Variants in RBFOX3 observed in about 807,000 individuals in gnomAD.
The protein encoded by RBFOX3 is RNA binding fox-1 homolog 3, also known as RNA binding protein fox-1 homolog 3.
RBFOX3 carries 17 observed loss-of-function variants against 48.7 expected under a neutral mutation model. The observed-to-expected ratio is 0.35, with a 90% CI of 0.24 to 0.52. The LOEUF is 0.52. Among genes scored for constraint, RBFOX3 ranks in the 20% least tolerant of loss-of-function variants. RBFOX3 has a pLI of 0.94. For synonymous variants in RBFOX3, 212 were observed against 209.5 expected (o/e 1.01, Z -0.10); for missense variants, 382 against 497.5 (o/e 0.77, Z 2.21).
At chr17:79,503,761 G>A (rs2082687704) in intron 1 of RBFOX3, among the ~76,000 whole-genome samples, 1 of 152,176 alleles carries the variant, frequency 6.6e-6, no homozygotes, top group Admixed American at 6.5e-5. Flanking sequence ...CCCAGGAGCT[G>A]ATTGTCTTCT....
intron 1 of RBFOX3, among the ~76,000 whole-genome samples, chr17:79,483,160 G>T (rs908607455): frequency 3.3e-5 from 5 of 152,078 alleles, no homozygotes; most frequent in African/African-American, 4.8e-5. Context: ...TGCAAGCCAG[G>T]TGAATCTGGC....
At chr17:79,200,483 C>A (rs2056576268) in intron 4 of RBFOX3, among the ~76,000 whole-genome samples, 1 of 152,226 alleles carries the variant, frequency 6.6e-6, no homozygotes, top group Non-Finnish European at 1.5e-5. Flanking sequence ...ACAGGAGTGG[C>A]CTCAGCACAG....
chr17:79,371,780 G>A lies in RBFOX3; in HGVS notation c.-174-63956C>T, dbSNP rs113298249. ...GGACTGGGGCTTGGGGTCACCCTTG[G>A]GAGCAGAGCCTCGCCCTGGTCAGCC... On this transcript the variant is annotated intron_variant, in intron 2 of 14. Transcript: ENST00000693108. Among the ~76,000 whole-genome samples, 435 of 152,284 alleles carry A rather than the reference G, an allele frequency of 2.9e-3. 1 individual carries two copies. Among genetic ancestry groups the A allele is most frequent in the African/African-American group, 9.4e-3 (391 of 41,560 alleles).
intron 4 of RBFOX3, among the ~76,000 whole-genome samples, chr17:79,153,051 G>A (rs2044947824): frequency 1.3e-5 from 2 of 152,200 alleles, no homozygotes; most frequent in South Asian, 4.1e-4. Flanking sequence ...TCTGCCCGCT[G>A]GGGCTGCCCT....
chr17:79,554,388 CTCACCT>C (rs2091430694), intron 1 of RBFOX3, among the ~76,000 whole-genome samples: 5 of 146,948 alleles, frequency 3.4e-5, no homozygotes, highest in African/African-American at 1.3e-4. Context: ...ACAGTCACCC[CTCACCT>C]GGCCCTCTCC....
intron 4 of RBFOX3, among the ~76,000 whole-genome samples, chr17:79,189,868 G>A (rs11652768): frequency 0.29 from 44,024 of 152,160 alleles, 6,638 homozygotes; most frequent in East Asian, 0.39. Flanking sequence ...ACTCCAGCTC[G>A]GACTGGGTAT....
chr17:79,250,986 T>C (rs1043001207), intron 3 of RBFOX3, among the ~76,000 whole-genome samples: 1 of 152,054 alleles, frequency 6.6e-6, no homozygotes, highest in Admixed American at 6.6e-5. Context: ...TTTTTGTATT[T>C]TTAGTAGAGA....
the RBFOX3 span, among the ~76,000 whole-genome samples, chr17:79,639,770 A>T: frequency 1.3e-5 from 2 of 152,222 alleles, no homozygotes; most frequent in Admixed American, 1.3e-4. Flanking sequence ...TAGAAAAAGC[A>T]TCTGACAAAG....
chr17:79,527,892 C>T (rs891461212), intron 1 of RBFOX3, among the ~76,000 whole-genome samples: 2 of 152,158 alleles, frequency 1.3e-5, no homozygotes, highest in African/African-American at 4.8e-5. Flanking sequence ...GCAAAGAGGC[C>T]GATGGAGTCC....
chr17:79,330,890 G>C (rs2080175852), intron 2 of RBFOX3, among the ~76,000 whole-genome samples: 1 of 152,220 alleles, frequency 6.6e-6, no homozygotes, highest in Non-Finnish European at 1.5e-5. Context: ...GGCTCTGACA[G>C]CCTGGGGCAG....
At chr17:79,234,649 G>A (rs961435755) in intron 4 of RBFOX3, 2 of 150,882 alleles carry the variant, frequency 1.3e-5, no homozygotes, top group African/African-American at 4.9e-5. Flanking sequence ...TCCAACTTAC[G>A]AAGGTTTGAC....
At chr17:79,176,109 G>A (rs2050482127) in intron 4 of RBFOX3, among the ~76,000 whole-genome samples, 1 of 152,206 alleles carries the variant, frequency 6.6e-6, no homozygotes, top group Admixed American at 6.5e-5. Flanking sequence ...GGCAGCTCCA[G>A]GAGGAATTTG....
rs540354642 is a variant in RBFOX3, at chr17:79,542,428, A to G, written c.-319-59830T>C. Among the ~76,000 whole-genome samples the G allele has an allele frequency of 3.3e-5, 5 of 152,238 alleles. No homozygotes were observed. In the South Asian group the frequency reaches 6.2e-4, roughly 19 times the overall value. Reference sequence around the variant, plus strand: ...CAGGAAGAGATTAGGAGGGATCCCAATGAATCAGCGAAGAAGCTGGGCTTA... The same window carrying G: ...CAGGAAGAGATTAGGAGGGATCCCAGTGAATCAGCGAAGAAGCTGGGCTTA... On this transcript the variant is annotated intron_variant, in intron 1 of 14. Coordinates refer to ENST00000693108, the MANE Select transcript of RBFOX3 (RefSeq NM_001350451.2).
intron 3 of RBFOX3, among the ~76,000 whole-genome samples, chr17:79,264,948 A>AC (rs1411083027): frequency 6.8e-6 from 1 of 146,814 alleles, no homozygotes; most frequent in African/African-American, 2.5e-5. Flanking sequence ...GCCCTTGGAG[A>AC]CCCTCAGTGC....
chr17:79,323,369 T>C (rs781106554), intron 2 of RBFOX3, among the ~76,000 whole-genome samples: 24 of 152,302 alleles, frequency 1.6e-4, no homozygotes, highest in Non-Finnish European at 2.8e-4. Flanking sequence ...GGCAGAGATG[T>C]GGGATGGATG....
intron 2 of RBFOX3, among the ~76,000 whole-genome samples, chr17:79,369,703 C>T (rs1038586715): frequency 6.6e-6 from 1 of 152,162 alleles, no homozygotes; most frequent in Non-Finnish European, 1.5e-5. Context: ...GCTGTTGCCT[C>T]CCCTCTCCCT....
chr17:79,563,060 C>T (rs1320195150), intron 1 of RBFOX3, among the ~76,000 whole-genome samples: 2 of 152,188 alleles, frequency 1.3e-5, no homozygotes, highest in African/African-American at 4.8e-5. Context: ...AGCAGCAGAG[C>T]GGGCGGGGGG....
chr17:79,210,705 T>C (rs1486832775), intron 4 of RBFOX3, among the ~76,000 whole-genome samples: 3 of 152,326 alleles, frequency 2.0e-5, no homozygotes, highest in South Asian at 2.1e-4. Flanking sequence ...GGGTAGGTGA[T>C]GTGGAGGAGT....
the RBFOX3 span, among the ~76,000 whole-genome samples, chr17:79,661,667 T>G: frequency 6.6e-5 from 10 of 152,342 alleles, no homozygotes; most frequent in Middle Eastern, 3.4e-3. Flanking sequence ...CTTTAGTAGA[T>G]TCTGCTAAAC....
Sources: gnomAD v4.1 joint callset for allele counts (sites outside exome capture counted in the v4.1 genomes callset) on GRCh38, gnomAD v4.1.1 for gene constraint, MANE v1.5 for transcripts, NCBI Gene and HGNC (gene_info 2026-07-23, HGNC 2026-07-21) for gene names.